PPP1R9A: variants seen among roughly 807,000 people sequenced by gnomAD.
PPP1R9A encodes the protein neurabin-1.
In PPP1R9A, 59 loss-of-function variants were observed where a neutral mutation model predicts 141.9. The observed-to-expected ratio is 0.42, with a 90% confidence interval of 0.34 to 0.52. PPP1R9A has a LOEUF of 0.52. PPP1R9A is among the 20% of genes least tolerant of loss of function. The pLI is 0.10. For synonymous variants in PPP1R9A, 500 were observed against 569.7 expected (o/e 0.88, Z 1.74); for missense variants, 1,444 against 1,611.9 (o/e 0.90, Z 1.78).
At chr7:95,131,753 G>A (rs1334068726) in intron 4 of PPP1R9A, among the ~76,000 whole-genome samples, 2 of 151,806 alleles carry the variant, frequency 1.3e-5, no homozygotes, top group Middle Eastern at 3.2e-3. Flanking sequence ...GATAGGACTA[G>A]TGTTGAATTT....
Position 95,246,225 on chromosome 7 carries a change from G to A in PPP1R9A, c.2113-1248G>A, listed in dbSNP as rs114769224. On this transcript the variant is annotated intron_variant, in intron 8 of 19. Coordinates refer to ENST00000433360, the MANE Select transcript of PPP1R9A (RefSeq NM_001166160.2). Reference sequence around the variant, plus strand: ...AAGGGAATACAGGTTGCAAACCCAAGAGAGGGCTGAGGTTTATGAGGTGCT... The same window carrying A: ...AAGGGAATACAGGTTGCAAACCCAAAAGAGGGCTGAGGTTTATGAGGTGCT... Among the ~76,000 whole-genome samples, 583 of 152,252 alleles carry A rather than the reference G, an allele frequency of 3.8e-3. 4 individuals carry two copies. Among genetic ancestry groups the A allele is most frequent in the African/African-American group, 0.013 (551 of 41,542 alleles).
chr7:95,194,167 T>C (rs1835901089), intron 5 of PPP1R9A, among the ~76,000 whole-genome samples: 2 of 152,068 alleles, frequency 1.3e-5, no homozygotes, highest in African/African-American at 4.8e-5. Context: ...CATTCTAGGA[T>C]ATAAGCTTCT....
intron 3 of PPP1R9A, among the ~76,000 whole-genome samples, chr7:95,119,863 A>G (rs1822212832): frequency 6.6e-6 from 1 of 151,898 alleles, no homozygotes; most frequent in African/African-American, 2.4e-5. Flanking sequence ...ATACATTCAT[A>G]TATGTCTAAG....
intron 2 of PPP1R9A, among the ~76,000 whole-genome samples, chr7:95,064,304 A>G (rs1186020722): frequency 6.6e-6 from 1 of 152,192 alleles, no homozygotes. Flanking sequence ...CATGGCTAGT[A>G]TACTGCTATA....
In PPP1R9A at chr7:95,083,352, G is replaced by A. The variant is rs527497235; in HGVS notation, c.1396-27907G>A. ...TGACATTCCTTGCCCCCGGTATAGGGCAAGACACCTGTCACATTACATTCT... is the reference window on the plus strand; with the variant it reads ...TGACATTCCTTGCCCCCGGTATAGGACAAGACACCTGTCACATTACATTCT... On this transcript the variant is annotated intron_variant, in intron 2 of 19. Coordinates refer to ENST00000433360, the MANE Select transcript of PPP1R9A (RefSeq NM_001166160.2). Among the ~76,000 whole-genome samples the A allele has an allele frequency of 3.3e-5, 5 of 151,482 alleles. No individual in the cohort carries two copies. The South Asian group carries it at 1.0e-3, about 32-fold the overall frequency.
At chr7:95,187,855 G>A (rs1193549789) in intron 5 of PPP1R9A, among the ~76,000 whole-genome samples, 1 of 151,888 alleles carries the variant, frequency 6.6e-6, no homozygotes, top group Non-Finnish European at 1.5e-5. Flanking sequence ...ATTCCCCTGT[G>A]GTCTGAGAGG....
At chr7:94,978,842 G>T (rs1387732370) in intron 2 of PPP1R9A, among the ~76,000 whole-genome samples, 1 of 152,170 alleles carries the variant, frequency 6.6e-6, no homozygotes, top group Non-Finnish European at 1.5e-5. Flanking sequence ...TGTTGCGCAG[G>T]CTGGAGTGCA....
intron 2 of PPP1R9A, among the ~76,000 whole-genome samples, chr7:95,094,863 GA>G (rs1416901346): frequency 8.3e-6 from 1 of 119,780 alleles, no homozygotes. Context: ...CTGGGCGACA[GA>G]GGGAGACTGC....
intron 12 of PPP1R9A, among the ~76,000 whole-genome samples, chr7:95,257,293 A>G (rs528373052): frequency 9.8e-5 from 15 of 152,288 alleles, no homozygotes; most frequent in African/African-American, 3.1e-4. Context: ...AGACTGACAC[A>G]TTTATGTCAG....
Position 95,242,563 on chromosome 7 carries a change from A to T in PPP1R9A, c.2113-4910A>T, listed in dbSNP as rs1050869791. On this transcript the variant is annotated intron_variant, in intron 8 of 19. Coordinates refer to ENST00000433360, the MANE Select transcript of PPP1R9A (RefSeq NM_001166160.2). ...TATATTTGGATTATATCGATCCGGT[A>T]ATATGAGTGCATGTTCTGTATTCAT... is the stretch of plus-strand genomic sequence containing the variant. 2.6e-5 allele frequency among the ~76,000 whole-genome samples: 4 copies of T among 152,142 alleles called. No homozygotes were observed. The East Asian group carries it at 7.7e-4, about 29-fold the overall frequency.
chr7:95,227,992 T>C (rs1366499062), intron 8 of PPP1R9A, among the ~76,000 whole-genome samples: 2 of 152,222 alleles, frequency 1.3e-5, no homozygotes, highest in African/African-American at 4.8e-5. Context: ...GTCACTATCA[T>C]AGTCTTAAAT....
At chr7:94,962,457 G>T (rs1221185879) in intron 2 of PPP1R9A, among the ~76,000 whole-genome samples, 6 of 151,674 alleles carry the variant, frequency 4.0e-5, no homozygotes, top group African/African-American at 1.2e-4. Context: ...ATATTCAAGG[G>T]TTTTCCCCAT....
intron 4 of PPP1R9A, among the ~76,000 whole-genome samples, chr7:95,161,280 A>G (rs1830431624): frequency 6.6e-6 from 1 of 152,056 alleles, no homozygotes; most frequent in Non-Finnish European, 1.5e-5. Context: ...TGATTAGTGA[A>G]GTGGAGCATT....
chr7:95,262,091 T>G (rs774933570), intron 12 of PPP1R9A, among the ~76,000 whole-genome samples: 7 of 152,192 alleles, frequency 4.6e-5, no homozygotes, highest in Non-Finnish European at 1.0e-4. Context: ...GGTTACCTAA[T>G]ATCCATAGAT....
chr7:95,192,637 C>T (rs150466380), intron 5 of PPP1R9A, among the ~76,000 whole-genome samples: 93 of 152,090 alleles, frequency 6.1e-4, no homozygotes, highest in African/African-American at 2.0e-3. Context: ...CATTTTACAA[C>T]TGTGGAAACA....
At chr7:95,288,961 A>G (rs1258892316) in intron 19 of PPP1R9A, among the ~76,000 whole-genome samples, 2 of 152,094 alleles carry the variant, frequency 1.3e-5, no homozygotes, top group Non-Finnish European at 2.9e-5. Context: ...CATTGCTTCC[A>G]CCTGGCAACA....
intron 2 of PPP1R9A, among the ~76,000 whole-genome samples, chr7:94,915,554 C>T (rs751002588): frequency 6.6e-6 from 1 of 152,130 alleles, no homozygotes; most frequent in Non-Finnish European, 1.5e-5. Flanking sequence ...GAATAGAAGA[C>T]TCAGAAAACA....
At chr7:95,064,596 C>T (rs1370909265) in intron 2 of PPP1R9A, among the ~76,000 whole-genome samples, 2 of 152,186 alleles carry the variant, frequency 1.3e-5, no homozygotes, top group Non-Finnish European at 2.9e-5. Context: ...CAGCTGGGAA[C>T]GTGCCCATTG....
intron 2 of PPP1R9A, among the ~76,000 whole-genome samples, chr7:94,983,793 T>C (rs1292522807): frequency 6.6e-6 from 1 of 152,212 alleles, no homozygotes; most frequent in East Asian, 1.9e-4. Flanking sequence ...CAGTTTGACT[T>C]CCTCGTTTCC....
Sources: allele counts gnomAD v4.1 joint callset (sites outside exome capture counted in the v4.1 genomes callset), GRCh38; gene constraint gnomAD v4.1.1; transcripts MANE v1.5; gene names NCBI Gene and HGNC (gene_info 2026-07-23, HGNC 2026-07-21).